ESYT2: variants seen among roughly 807,000 people sequenced by gnomAD.
ESYT2 encodes extended synaptotagmin 2.
A neutral mutation model predicts 107.2 loss-of-function variants in ESYT2; 54 were observed. The observed-to-expected ratio is 0.50, with a 90% CI of 0.40 to 0.63. The LOEUF is 0.63. Ranked by LOEUF, ESYT2 falls within the 30% of genes least tolerant of loss-of-function variation. ESYT2 has a pLI of 0.00. For missense variants in ESYT2, 1,020 were observed against 1,094.5 expected (o/e 0.93, Z 0.96); for synonymous variants, 491 against 434.1 (o/e 1.13, Z -1.63).
chr7:158,747,120 C>CG (rs1426179863), intron 16 of ESYT2, among the ~76,000 whole-genome samples: 1 of 151,958 alleles, frequency 6.6e-6, no homozygotes, highest in Non-Finnish European at 1.5e-5. Context: ...CCACAGTGGG[C>CG]GGATCAGCTG....
At chr7:158,794,829 C>T (rs928161598) in intron 3 of ESYT2, among the ~76,000 whole-genome samples, 4 of 152,282 alleles carry the variant, frequency 2.6e-5, no homozygotes, top group African/African-American at 9.6e-5. Context: ...CTTTGACAAG[C>T]ATGAGTGTAT....
intron 1 of ESYT2, among the ~76,000 whole-genome samples, chr7:158,822,006 G>A (rs1840298993): frequency 6.6e-6 from 1 of 152,016 alleles, no homozygotes; most frequent in South Asian, 2.1e-4. Flanking sequence ...CGCCTCCCAG[G>A]TGCTTCTTCT....
At chr7:158,765,325 A>G (rs545507128) in intron 8 of ESYT2, among the ~76,000 whole-genome samples, 1 of 152,348 alleles carries the variant, frequency 6.6e-6, no homozygotes, top group African/African-American at 2.4e-5. Flanking sequence ...GAAGCATTAG[A>G]CATGTAGTAA....
At chr7:158,793,811 C>G (rs1461434746) in intron 3 of ESYT2, 85 bp from the exon 4 acceptor site, 8 of 1,078,326 alleles carry the variant, frequency 7.4e-6, no homozygotes, top group Non-Finnish European at 1.1e-5. Flanking sequence ...ACAAACAGAA[C>G]AAGCTTTAAA....
At chr7:158,779,672 G>A (rs1258763565) in intron 6 of ESYT2, among the ~76,000 whole-genome samples, 1 of 152,134 alleles carries the variant, frequency 6.6e-6, no homozygotes, top group African/African-American at 2.4e-5. Context: ...CGGTGCTGCG[G>A]CCCCTTCTGC....
At position 158,734,231 on chromosome 7, in the gene ESYT2, C is replaced by T; in HGVS notation, c.2577G>A (p.Gly859=). The T allele has an allele frequency of 1.9e-6, 3 of 1,614,086 alleles. No homozygotes were observed. Among genetic ancestry groups the T allele is most frequent in the Non-Finnish European group, 1.7e-6 (2 of 1,180,032 alleles). ...GCTATGTCATCGCCTGAGGCCTCGTCCCATCTTCCGTGAGGTCATACCTGA... is the reference window on the plus strand; with the variant it reads ...GCTATGTCATCGCCTGAGGCCTCGTTCCATCTTCCGTGAGGTCATACCTGA... The part of the protein sequence containing the change: ...WTQWYDLTED[G]TRPQAMT Residue 859 remains glycine (G), a synonymous_variant, in exon 23 of 23, where the codon GGG becomes GGA. Coordinates refer to ENST00000275418, the MANE Select transcript of ESYT2 (RefSeq NM_001367773.1).
intron 15 of ESYT2, among the ~76,000 whole-genome samples, chr7:158,749,256 G>A (rs1409539880): frequency 1.3e-5 from 2 of 150,550 alleles, no homozygotes; most frequent in African/African-American, 2.5e-5. Context: ...ACAGGCACCC[G>A]GCACCGCACC....
chr7:158,801,816 A>G (rs2034802380), intron 1 of ESYT2, among the ~76,000 whole-genome samples: 1 of 117,388 alleles, frequency 8.5e-6, no homozygotes, highest in South Asian at 3.2e-4. Flanking sequence ...ACAAAGGCGT[A>G]TTTTAGATTC....
chr7:158,785,217 G>A (rs576707954), intron 6 of ESYT2, among the ~76,000 whole-genome samples: 2 of 152,230 alleles, frequency 1.3e-5, no homozygotes, highest in South Asian at 4.1e-4. Context: ...GAGGTCATAA[G>A]TTCAAGACCA....
At chr7:158,747,753 G>T (rs1837452683) in intron 16 of ESYT2, among the ~76,000 whole-genome samples, 1 of 152,190 alleles carries the variant, frequency 6.6e-6, no homozygotes, top group Non-Finnish European at 1.5e-5. Flanking sequence ...GATATTCACA[G>T]CAGATTTATA....
chr7:158,814,111 G>T (rs1304140675), intron 1 of ESYT2, among the ~76,000 whole-genome samples: 1 of 151,444 alleles, frequency 6.6e-6, no homozygotes, highest in Non-Finnish European at 1.5e-5. Context: ...GTCTCTACTA[G>T]AAAATACAAA....
intron 4 of ESYT2, among the ~76,000 whole-genome samples, chr7:158,789,178 T>A (rs1057169163): frequency 2.6e-5 from 4 of 152,142 alleles, no homozygotes; most frequent in African/African-American, 9.7e-5. Flanking sequence ...ATAAGCAAAA[T>A]AGTAACAAAA....
At chr7:158,792,989 T>C (rs1003772277) in intron 4 of ESYT2, among the ~76,000 whole-genome samples, 13 of 152,070 alleles carry the variant, frequency 8.5e-5, no homozygotes, top group African/African-American at 3.1e-4. Flanking sequence ...ACGATGGTCC[T>C]GATCTCCTGA....
chr7:158,784,253 G>T (rs551246940), intron 6 of ESYT2, among the ~76,000 whole-genome samples: 1 of 152,356 alleles, frequency 6.6e-6, no homozygotes, highest in South Asian at 2.1e-4. Context: ...AGTTACTAAC[G>T]TGTGGTCTGA....
chr7:158,768,625 C>T (rs1159878415), intron 7 of ESYT2, among the ~76,000 whole-genome samples: 1 of 152,006 alleles, frequency 6.6e-6, no homozygotes, highest in South Asian at 2.1e-4. Context: ...ACCATGTTGG[C>T]GAGGCTGGTC....
intron 1 of ESYT2, among the ~76,000 whole-genome samples, chr7:158,805,393 A>T (rs981851515): frequency 2.0e-5 from 3 of 152,248 alleles, no homozygotes; most frequent in Non-Finnish European, 4.4e-5. Flanking sequence ...TTCTACAAAG[A>T]AAGTAGTCAA....
At chr7:158,742,928 C>T (rs146163621) in intron 17 of ESYT2, among the ~76,000 whole-genome samples, 1 of 152,346 alleles carries the variant, frequency 6.6e-6, no homozygotes, top group East Asian at 1.9e-4. Context: ...GGCAAGGAGG[C>T]TGTTCCCATT....
chr7:158,823,272 G>A (rs1840337057), intron 1 of ESYT2, among the ~76,000 whole-genome samples: 1 of 134,232 alleles, frequency 7.4e-6, no homozygotes, highest in South Asian at 2.6e-4. Context: ...CCCAGCCTGG[G>A]CGACAGAGTG....
chr7:158,772,834 G>A (rs1838419572), intron 7 of ESYT2, among the ~76,000 whole-genome samples: 1 of 150,886 alleles, frequency 6.6e-6, no homozygotes, highest in Non-Finnish European at 1.5e-5. Context: ...CAAGAGTTCT[G>A]GCGAAGTCCA....
Sources: gnomAD v4.1 joint callset for allele counts (sites outside exome capture counted in the v4.1 genomes callset) on GRCh38, gnomAD v4.1.1 for gene constraint, MANE v1.5 for transcripts, NCBI Gene and HGNC (gene_info 2026-07-23, HGNC 2026-07-21) for gene names.